The following RBM33 variants were observed in gnomAD, a reference collection of about 807,000 sequenced individuals.
RBM33 encodes the protein RNA-binding protein 33.
Under a neutral mutation model 132.6 loss-of-function variants are expected in RBM33, and 28 were observed. The observed-to-expected ratio is 0.21, with a 90% CI of 0.16 to 0.29. The LOEUF is 0.29. Ranked by LOEUF, RBM33 falls within the 10% of genes least tolerant of loss-of-function variation. The pLI, the probability that RBM33 is intolerant of heterozygous loss-of-function variation, is 1.00. For synonymous variants in RBM33, 634 were observed against 593.0 expected, an observed-to-expected ratio of 1.07 and a Z score of -1.01; for missense variants, 1,291 against 1,518.5, an observed-to-expected ratio of 0.85 and a Z score of 2.49.
At chr7:155,654,628 AT>A (rs1798443851) in intron 1 of RBM33, among the ~76,000 whole-genome samples, 1 of 152,158 alleles carries the variant, frequency 6.6e-6, no homozygotes, top group Admixed American at 6.5e-5. Flanking sequence ...CTTGACAAAA[AT>A]GTAGTTATTC....
At chr7:155,698,091 A>G (rs945659904) in intron 5 of RBM33, among the ~76,000 whole-genome samples, 2 of 152,186 alleles carry the variant, frequency 1.3e-5, no homozygotes, top group African/African-American at 2.4e-5. Context: ...ACAGAAGGCC[A>G]GGCGTGGTGG....
At chr7:155,715,367 A>G (rs936668947) in intron 8 of RBM33, among the ~76,000 whole-genome samples, 8 of 152,204 alleles carry the variant, frequency 5.3e-5, no homozygotes, top group Non-Finnish European at 1.2e-4. Context: ...GGCAGCTGGT[A>G]ATACGTACAG....
At chr7:155,683,101 C>T (rs1799380801) in intron 5 of RBM33, among the ~76,000 whole-genome samples, 1 of 151,772 alleles carries the variant, frequency 6.6e-6, no homozygotes, top group Non-Finnish European at 1.5e-5. Flanking sequence ...CAATGTCTTT[C>T]TGTGAGCAAT....
At chr7:155,673,768 G>GCGCACACACACA (rs1554469952) in intron 3 of RBM33, among the ~76,000 whole-genome samples, 8,304 of 132,876 alleles carry the variant, frequency 0.062, 467 homozygotes, top group Middle Eastern at 0.078. Context: ...GCGCATGCGC[G>GCGCACACACACA]CACACACACA....
At position 155,775,396 on chromosome 7, in the gene RBM33, C is replaced by T. The variant is rs79834764; in HGVS notation, c.*355C>T. 1.3e-3 allele frequency: 536 copies of T among 410,962 alleles called. 3 individuals are homozygous for T. The highest frequency in any genetic ancestry group is 0.01 in the African/African-American group (498 of 49,762). The allele number at this position is 410,962 out of a possible 1,614,324, so 25.5% of individuals were successfully genotyped here. On this transcript the variant is annotated 3_prime_UTR_variant, in exon 18 of 18. Coordinates refer to ENST00000401878, the MANE Select transcript of RBM33 (RefSeq NM_053043.3). ...ACTTAGATTCAGGAAAGAACATTAACGTCACAAGTTCTAAGTAGTTTTCAC... is the reference window on the plus strand; with the variant it reads ...ACTTAGATTCAGGAAAGAACATTAATGTCACAAGTTCTAAGTAGTTTTCAC...
chr7:155,738,526 G>A (rs1414305162), intron 11 of RBM33, 123 bp downstream of exon 11: 1 of 953,602 alleles, frequency 1.0e-6, no homozygotes, highest in Non-Finnish European at 1.5e-6. Flanking sequence ...TAGAGTATTA[G>A]TCTCAAATGT....
chr7:155,661,255 C>T (rs1798642424), intron 1 of RBM33, among the ~76,000 whole-genome samples: 1 of 150,402 alleles, frequency 6.6e-6, no homozygotes, highest in African/African-American at 2.4e-5. Context: ...TCTCCTGCCT[C>T]AACCTCCCGA....
rs75790982 is a variant in RBM33, at chr7:155,670,055, T to G, written c.123-2812T>G. On this transcript the variant is annotated intron_variant, in intron 2 of 17. Coordinates refer to ENST00000401878, the MANE Select transcript of RBM33 (RefSeq NM_053043.3). ...TTACAGTGGTCAAGTTCACTTCTGG[T>G]TTTGAAAGGCTGTAGCCAAGTGGCT... Among the ~76,000 whole-genome samples, 216 of 152,356 alleles carry G rather than the reference T, an allele frequency of 1.4e-3. 4 individuals are homozygous for G. Among genetic ancestry groups the G allele is most frequent in the African/African-American group, 5.0e-3 (206 of 41,588 alleles).
chr7:155,772,178 A>G (rs1164926461), intron 16 of RBM33, among the ~76,000 whole-genome samples: 1 of 139,636 alleles, frequency 7.2e-6, no homozygotes, highest in Non-Finnish European at 1.7e-5. Flanking sequence ...TAAACCCCCC[A>G]GGATCCTGGA....
At chr7:155,731,190 C>A (rs1161317466) in intron 9 of RBM33, among the ~76,000 whole-genome samples, 1 of 152,086 alleles carries the variant, frequency 6.6e-6, no homozygotes, top group Non-Finnish European at 1.5e-5. Flanking sequence ...TGAGAAAAAT[C>A]TTTTTGAGGA....
intron 3 of RBM33, among the ~76,000 whole-genome samples, chr7:155,673,940 G>GTTGTTTTTTGTTTTTTTTT: frequency 1.5e-4 from 8 of 54,196 alleles, no homozygotes; most frequent in African/African-American, 6.6e-4. Flanking sequence ...TTTAGGCTTA[G>GTTGTTTTTTGTTTTTTTTT]TTTTTTTTTT....
chr7:155,673,993 C>T (rs1322154344), intron 3 of RBM33, among the ~76,000 whole-genome samples: 1 of 83,240 alleles, frequency 1.2e-5, no homozygotes, highest in East Asian at 4.0e-4. Context: ...CTTACTCTTG[C>T]CCAGGCTGGA....
At chr7:155,771,544 C>T (rs1802426086) in intron 16 of RBM33, among the ~76,000 whole-genome samples, 1 of 152,128 alleles carries the variant, frequency 6.6e-6, no homozygotes, top group African/African-American at 2.4e-5. Context: ...GATAGCTTCT[C>T]AATCAAATCG....
intron 3 of RBM33, among the ~76,000 whole-genome samples, chr7:155,673,803 C>CCCT (rs1326504237): frequency 6.7e-6 from 1 of 150,226 alleles, no homozygotes; most frequent in South Asian, 2.1e-4. Flanking sequence ...CACACACACC[C>CCCT]CTACCAGTAT....
chr7:155,697,563 T>A (rs1799829689), intron 5 of RBM33, among the ~76,000 whole-genome samples: 1 of 152,090 alleles, frequency 6.6e-6, no homozygotes, highest in Admixed American at 6.5e-5. Context: ...GCACTCTCTC[T>A]CTCTCTATAT....
chr7:155,725,259 G>A (rs1275213967), intron 9 of RBM33, among the ~76,000 whole-genome samples: 3 of 133,560 alleles, frequency 2.2e-5, no homozygotes, highest in African/African-American at 5.7e-5. Context: ...GAGCATATAT[G>A]GTTGAAAATC....
At position 155,665,179 on chromosome 7, in the gene RBM33, T is replaced by C; in HGVS notation, c.48T>C (p.Asp16=). ...TTCAATGGACTGTTCTCATAGATGA[T>C]GACTTTGACCAGTTTGATAAGCCTG... is the stretch of plus-strand genomic sequence containing the variant. ...GASGGAGAGD[D]DFDQFDKPGA... The change falls in exon 2 of 18, where the codon GAT becomes GAC. Residue 16 remains aspartate (D), a synonymous_variant. Coordinates refer to ENST00000401878, the MANE Select transcript of RBM33 (RefSeq NM_053043.3). 6.2e-7 allele frequency: 1 copy of C among 1,613,846 alleles called. No homozygotes were observed. Among genetic ancestry groups the C allele is most frequent in the East Asian group, 2.2e-5 (1 of 44,878 alleles).
rs542479289 is a variant in RBM33, at chr7:155,757,349, G to C, written c.2980-6463G>C. Among the ~76,000 whole-genome samples, 2 of 152,028 alleles carry C rather than the reference G, an allele frequency of 1.3e-5. 1 individual carries two copies. The highest frequency in any genetic ancestry group is 4.2e-4 in the South Asian group (2 of 4,806). ...CATGCTAAGTCAAAAGGGAATAATT[G>C]TTCTTTTAATTAGAAAAAAAAATTC... On this transcript the variant is annotated intron_variant, in intron 14 of 17. Coordinates refer to ENST00000401878, the MANE Select transcript of RBM33 (RefSeq NM_053043.3).
At chr7:155,677,403 T>C (rs1654943329) in intron 3 of RBM33, among the ~76,000 whole-genome samples, 1 of 152,068 alleles carries the variant, frequency 6.6e-6, no homozygotes, top group South Asian at 2.1e-4. Context: ...AGAGTCAGGG[T>C]TTCACCATGT....
Sources: gnomAD v4.1 joint callset for allele counts (sites outside exome capture counted in the v4.1 genomes callset) on GRCh38, gnomAD v4.1.1 for gene constraint, MANE v1.5 for transcripts, NCBI Gene and HGNC (gene_info 2026-07-23, HGNC 2026-07-21) for gene names.